The following MMP15 variants were observed in gnomAD, a reference collection of about 807,000 sequenced individuals.
MMP15 encodes the protein matrix metallopeptidase 15.
A neutral mutation model predicts 65.0 loss-of-function variants in MMP15; 36 were observed. That is an observed-to-expected ratio of 0.55 (90% CI 0.42 to 0.73). The LOEUF (loss-of-function observed/expected upper bound fraction) is 0.73, where lower values mean the gene tolerates loss of function less well. Among genes scored for constraint, MMP15 ranks in the 30% least tolerant of loss-of-function variants. The pLI is 0.00. For missense variants in MMP15, 870 were observed against 987.8 expected, an observed-to-expected ratio of 0.88 and a Z score of 1.60; for synonymous variants, 428 against 410.2, an observed-to-expected ratio of 1.04 and a Z score of -0.52.
chr16:58,026,670 C>T (rs1331147151), intron 1 of MMP15, among the ~76,000 whole-genome samples, 158 bp downstream of exon 1: 2 of 152,226 alleles, frequency 1.3e-5, no homozygotes, highest in East Asian at 3.9e-4. Flanking sequence ...TGCCCCTCCC[C>T]AGCTCGCCCT....
rs374997762 is a variant in MMP15, at chr16:58,040,718, C to T, written c.910+20C>T. 33 of 1,613,556 alleles carry T rather than the reference C, an allele frequency of 2.0e-5. No homozygotes were observed. Among genetic ancestry groups the T allele is most frequent in the African/African-American group, 9.3e-5 (7 of 74,948 alleles). Reference sequence around the variant, plus strand: ...TCTACGGTGCGTGGGCTGTGACCAGCGGGCTCTGCATGCCGCTCTCAAGTC... The same window carrying T: ...TCTACGGTGCGTGGGCTGTGACCAGTGGGCTCTGCATGCCGCTCTCAAGTC... On this transcript the variant is annotated intron_variant, in intron 5 of 9. Transcript: ENST00000219271.
At chr16:58,032,792 GT>G (rs983662598) in intron 1 of MMP15, among the ~76,000 whole-genome samples, 21 of 151,524 alleles carry the variant, frequency 1.4e-4, no homozygotes, top group African/African-American at 5.1e-4. Flanking sequence ...GCCACAAAAG[GT>G]CCGGGGGCTG....
intron 2 of MMP15, among the ~76,000 whole-genome samples, chr16:58,037,886 G>GGT (rs1959369510): frequency 6.6e-6 from 1 of 152,224 alleles, no homozygotes; most frequent in Non-Finnish European, 1.5e-5. Flanking sequence ...GGAGTGTGGA[G>GGT]GTACAGTACA....
intron 3 of MMP15, among the ~76,000 whole-genome samples, chr16:58,039,555 T>C (rs1959405387): frequency 6.6e-6 from 1 of 152,258 alleles, no homozygotes; most frequent in African/African-American, 2.4e-5. Flanking sequence ...TGAGAACTGC[T>C]CAGCCTGTTT....
intron 1 of MMP15, among the ~76,000 whole-genome samples, chr16:58,031,851 G>A (rs945995108): frequency 3.6e-5 from 4 of 112,412 alleles, no homozygotes; most frequent in Admixed American, 2.9e-4. Flanking sequence ...GCTCGATGCC[G>A]CCTTTTTTTT....
At chr16:58,041,535 G>T in intron 5 of MMP15, 82 bp from the exon 6 acceptor site, 1 of 1,457,722 alleles carries the variant, frequency 6.9e-7, no homozygotes, top group Non-Finnish European at 9.3e-7. Context: ...TTCCGCGTGG[G>T]TGGGCCTGTG....
At position 58,045,318 on chromosome 16, in the gene MMP15, A is replaced by G. The variant is rs771700175; in HGVS notation, c.1882A>G (p.Met628Val). Residue 628 changes from methionine (M) to valine (V), a missense_variant, in exon 10 of 10, where the codon ATG becomes GTG. Met to Val is a conservative substitution (Grantham distance 21, BLOSUM62 1). Transcript: ENST00000219271. Reference protein sequence around the residue: ...EEVARTVNVVMVLVPLLLLLC... With the variant: ...EEVARTVNVVVVLVPLLLLLC... The stretch of plus-strand genomic sequence containing the variant: ...GGTGGCACGGACGGTGAACGTGGTG[A>G]TGGTGCTGGTGCCACTGCTGCTGCT... 1 of 1,609,716 alleles carries G rather than the reference A, an allele frequency of 6.2e-7. No individual in the cohort carries two copies. Among genetic ancestry groups the G allele is most frequent in the South Asian group, 1.1e-5 (1 of 90,010 alleles).
At chr16:58,043,105 A>G (rs572045642) in intron 7 of MMP15, 105 bp from the exon 8 acceptor site, 3 of 1,077,276 alleles carry the variant, frequency 2.8e-6, no homozygotes, top group Non-Finnish European at 3.9e-6. Context: ...TTGAATATGT[A>G]GAGGGGTGTG....
intron 5 of MMP15, 84 bp downstream of exon 5, chr16:58,040,782 T>C: frequency 6.3e-7 from 1 of 1,579,622 alleles, no homozygotes; most frequent in Non-Finnish European, 8.7e-7. Context: ...CCATCCCCAT[T>C]TTGTAGATGA....
In MMP15 at chr16:58,026,311, C is replaced by T. The variant is rs1168631327; in HGVS notation, c.-40C>T. The T allele has an allele frequency of 2.4e-6, 3 of 1,252,132 alleles. No individual in the cohort carries two copies. Among genetic ancestry groups the T allele is most frequent in the African/African-American group, 1.6e-5 (1 of 64,314 alleles). The allele number at this position is 1,252,132 out of a possible 1,614,324, so 77.6% of individuals were successfully genotyped here. On this transcript the variant is annotated 5_prime_UTR_variant, in exon 1 of 10. Coordinates refer to ENST00000219271, the MANE Select transcript of MMP15 (RefSeq NM_002428.4). ...AAGTTTCCAAGGCGCGTGCGAGGAT[C>T]CGGCGTGCAGTGTTCCGAGCTGGGC...
chr16:58,040,439 G>T, intron 4 of MMP15, 98 bp from the exon 5 acceptor site: 2 of 1,432,238 alleles, frequency 1.4e-6, no homozygotes, highest in Non-Finnish European at 1.9e-6. Flanking sequence ...GGGAAGCAAG[G>T]GCAGGCTCTC....
At chr16:58,042,502 G>A in intron 7 of MMP15, 133 bp downstream of exon 7, 1 of 1,284,610 alleles carries the variant, frequency 7.8e-7, no homozygotes, top group Non-Finnish European at 1.1e-6. Context: ...GGCTCACTCT[G>A]GGAGGATGAG....
In MMP15 at chr16:58,030,664, T is replaced by G. The variant is rs41486848; in HGVS notation, c.162+4152T>G. 9.5e-3 allele frequency among the ~76,000 whole-genome samples: 1,447 copies of G among 152,204 alleles called. 32 individuals are homozygous for G. The highest frequency in any genetic ancestry group is 0.033 in the African/African-American group (1,376 of 41,508). On this transcript the variant is annotated intron_variant, in intron 1 of 9. Coordinates refer to ENST00000219271, the MANE Select transcript of MMP15 (RefSeq NM_002428.4). ...CACTGCCTTGTCCTTCCCCTAGGAG[T>G]GACTGTCACCCTGTAGGGGTGAGAG...
chr16:58,034,785 A>G (rs987935708), intron 1 of MMP15, among the ~76,000 whole-genome samples: 3 of 152,054 alleles, frequency 2.0e-5, no homozygotes, highest in Non-Finnish European at 2.9e-5. Flanking sequence ...CTCTGTGTGG[A>G]GGGTCCATAG....
chr16:58,040,658 G>C lies in MMP15; in HGVS notation c.870G>C (p.Lys290Asn), dbSNP rs145408863. 6.2e-7 allele frequency: 1 copy of C among 1,614,106 alleles called. No individual in the cohort carries two copies. Among genetic ancestry groups the C allele is most frequent in the African/African-American group, 1.3e-5 (1 of 74,950 alleles). Reference sequence around the variant, plus strand: ...AGTGGAAGGACGTTGACAACTTCAAGCTGCCCGAGGACGATCTCCGTGGCA... The same window carrying C: ...AGTGGAAGGACGTTGACAACTTCAACCTGCCCGAGGACGATCTCCGTGGCA... ...FYQWKDVDNF[K>N]LPEDDLRGIQ... The change falls in exon 5 of 10, where the codon AAG becomes AAC. Residue 290 changes from lysine to asparagine, a missense_variant. Physicochemically the swap from Lys to Asn is moderately conservative, Grantham distance 94 (BLOSUM62 0). Coordinates refer to ENST00000219271, the MANE Select transcript of MMP15 (RefSeq NM_002428.4).
chr16:58,033,460 G>A (rs1959271119), intron 1 of MMP15, among the ~76,000 whole-genome samples: 1 of 152,254 alleles, frequency 6.6e-6, no homozygotes, highest in Non-Finnish European at 1.5e-5. Flanking sequence ...TGGAATGGGT[G>A]GCTGGCCCAT....
chr16:58,031,884 T>TTTTTTG (rs1963893529), intron 1 of MMP15, among the ~76,000 whole-genome samples: 1 of 110,218 alleles, frequency 9.1e-6, no homozygotes. Context: ...TTTTTTTTTT[T>TTTTTTG]GAGACAGAGT....
intron 3 of MMP15, among the ~76,000 whole-genome samples, chr16:58,038,641 G>C (rs1959384812): frequency 6.6e-6 from 1 of 152,206 alleles, no homozygotes; most frequent in South Asian, 2.1e-4. Flanking sequence ...GGGCACAGCT[G>C]GGCTACTGCC....
In MMP15 at chr16:58,026,472, G is replaced by T. The variant is rs1335700738; in HGVS notation, c.122G>T (p.Gly41Val). The change falls in exon 1 of 10, where the codon GGC becomes GTC. Residue 41 changes from glycine (G) to valine (V), a missense_variant. Transcript: ENST00000219271. ...PLLLVLLGCL[G>V]LGVAAEDAEV... The stretch of plus-strand genomic sequence containing the variant: ...CTCCTGGTGCTTCTGGGCTGCCTGG[G>T]CCTTGGCGTAGCGGCCGAAGACGCG... 17 of 1,408,146 alleles carry T rather than the reference G, an allele frequency of 1.2e-5. No homozygotes were observed. The highest frequency in any genetic ancestry group is 1.5e-5 in the South Asian group (1 of 67,174). 87.2% of individuals were successfully genotyped at this position (1,408,146 alleles called of 1,614,324 possible).
Sources: allele counts gnomAD v4.1 joint callset (sites outside exome capture counted in the v4.1 genomes callset), GRCh38; gene constraint gnomAD v4.1.1; transcripts MANE v1.5; gene names NCBI Gene and HGNC (gene_info 2026-07-23, HGNC 2026-07-21).